Variants in CAD observed in about 807,000 individuals in gnomAD.
CAD encodes multifunctional protein CAD.
A neutral mutation model predicts 237.2 loss-of-function variants in CAD; 81 were observed. That is an observed-to-expected ratio of 0.34 (90% confidence interval 0.29 to 0.41). CAD has a LOEUF of 0.41. CAD is among the 10% of genes least tolerant of loss of function. The pLI is 1.00. For missense variants in CAD, 2,181 were observed against 2,951.7 expected (o/e 0.74, Z 6.05); for synonymous variants, 1,196 against 1,162.8 (o/e 1.03, Z -0.58).
chr2:27,220,966 TAAATA>T (rs1219381195), intron 2 of CAD, among the ~76,000 whole-genome samples: 1 of 151,738 alleles, frequency 6.6e-6, no homozygotes, highest in Non-Finnish European at 1.5e-5. Context: ...TCAAAAAAAA[TAAATA>T]ATAAATAAAT....
At chr2:27,222,757 G>A (rs1675238829) in intron 5 of CAD, 97 bp downstream of exon 5, 1 of 1,574,506 alleles carries the variant, frequency 6.4e-7, no homozygotes, top group African/African-American at 1.4e-5. Context: ...GAGTTGCAGT[G>A]AAGAAGATAG....
At position 27,229,117 on chromosome 2, in the gene CAD, A is replaced by G. The variant is rs145541419; in HGVS notation, c.2287+2155A>G. Among the ~76,000 whole-genome samples, 883 of 149,948 alleles carry G rather than the reference A, an allele frequency of 5.9e-3. 6 individuals carry two copies. Among genetic ancestry groups the G allele is most frequent in the African/African-American group, 0.02 (832 of 40,704 alleles). On this transcript the variant is annotated intron_variant, in intron 15 of 43. Transcript: ENST00000264705. ...TATTTTTAGTAGAGACGGGGGTTTC[A>G]TCATACTGCTTAGGATGGTCTCGAT...
In CAD at chr2:27,233,208, A is replaced by C; in HGVS notation, c.2991+68A>C. 6.6e-7 allele frequency: 1 copy of C among 1,513,852 alleles called. No individual in the cohort carries two copies. The highest frequency in any genetic ancestry group is 9.2e-7 in the Non-Finnish European group (1 of 1,089,894). The allele number at this position is 1,513,852 out of a possible 1,614,324, so 93.8% of individuals were successfully genotyped here. ...TCGAGTAGAACAGCTGGCTGACCTA[A>C]GATTCTTTGAAACTTGGTGGCGGCT... On this transcript the variant is annotated intron_variant, in intron 19 of 43. Coordinates refer to ENST00000264705, the MANE Select transcript of CAD (RefSeq NM_004341.5). This position sits in a 1 kb window ranked among gnomAD's most constrained non-coding sequence, Gnocchi z 6.3.
chr2:27,223,796 T>C, intron 7 of CAD, 48 bp downstream of exon 7: 7 of 1,600,108 alleles, frequency 4.4e-6, no homozygotes, highest in Non-Finnish European at 6.0e-6. Flanking sequence ...CCTGTGGGCC[T>C]TGATGATGGA....
chr2:27,225,377 G>A, intron 11 of CAD, 134 bp downstream of exon 11: 2 of 622,776 alleles, frequency 3.2e-6, no homozygotes, highest in South Asian at 2.0e-5. Context: ...CGTGATCTCG[G>A]CTCATCATAA....
Position 27,222,276 on chromosome 2 carries a change from T to G in CAD, c.435T>G (p.Pro145=), listed in dbSNP as rs138979522. Residue 145 remains proline (P), a synonymous_variant, in exon 4 of 44, where the codon CCT becomes CCG. Coordinates refer to ENST00000264705, the MANE Select transcript of CAD (RefSeq NM_004341.5). ...AGCTGGTCCAGAATGGAACAGAACC[T>G]TCATCCCTGCCATTCTTGGACCCCA... ...LGKLVQNGTE[P]SSLPFLDPNA... The G allele has an allele frequency of 2.2e-4, 358 of 1,613,976 alleles. No homozygotes were observed. Among genetic ancestry groups the G allele is most frequent in the Middle Eastern group, 1.2e-3 (7 of 6,062 alleles).
chr2:27,228,634 C>G (rs1675559718), intron 15 of CAD, among the ~76,000 whole-genome samples: 1 of 152,182 alleles, frequency 6.6e-6, no homozygotes, highest in Admixed American at 6.5e-5. Context: ...TCTTGTTGCC[C>G]AGGCTGGAGT....
chr2:27,238,034 C>T, intron 29 of CAD, 22 bp from the exon 30 acceptor site: 1 of 1,613,474 alleles, frequency 6.2e-7, no homozygotes, highest in Non-Finnish European at 8.5e-7. Flanking sequence ...CACACTCCTT[C>T]ATCAGTTCTT....
At position 27,226,837 on chromosome 2, in the gene CAD, C is replaced by G. The variant is rs1444291127; in HGVS notation, c.2162C>G (p.Ser721Cys). The G allele has an allele frequency of 6.2e-7, 1 of 1,614,184 alleles. No homozygotes were observed. The highest frequency in any genetic ancestry group is 1.7e-5 in the Admixed American group (1 of 60,024). The change falls in exon 15 of 44, where the codon TCT becomes TGT. Residue 721 changes from serine to cysteine, a missense_variant. By Grantham distance (112) the Ser-to-Cys change is moderately radical. Transcript: ENST00000264705. The stretch of plus-strand genomic sequence containing the variant: ...TCCCACCTGCTGGACCCCAGGAACT[C>G]TGTGACAGGGGGTACAGCAGCCTTT... ...LGIPLPELRN[S>C]VTGGTAAFEP...
At chr2:27,234,260 C>T in intron 22 of CAD, 34 bp downstream of exon 22, 1 of 1,567,442 alleles carries the variant, frequency 6.4e-7, no homozygotes. Flanking sequence ...TAAAGGGCCA[C>T]AGCTCTTGCA....
At chr2:27,221,780 T>TTC (rs1491358907) in intron 3 of CAD, among the ~76,000 whole-genome samples, 1 of 118,846 alleles carries the variant, frequency 8.4e-6, no homozygotes, top group Non-Finnish European at 1.7e-5. Context: ...TTTTTTTTTT[T>TTC]CTGTTCATTT....
In CAD at chr2:27,237,017, ATTTTTT is replaced by A. The variant is rs149723808; in HGVS notation, c.4396+204_4396+209del. Reference sequence around the variant, plus strand: ...TGTCCACAGTGGCCTTGTCTGAGGAATTTTTTTTTTTTTTTTTTTTTTGAGACAGAG... The same window carrying A: ...TGTCCACAGTGGCCTTGTCTGAGGAATTTTTTTTTTTTTTTTGAGACAGAG... On this transcript the variant is annotated intron_variant, in intron 27 of 43. Transcript: ENST00000264705. This position sits in a 1 kb window ranked among gnomAD's most constrained non-coding sequence, Gnocchi z 4.0. 7.9e-6 allele frequency among the ~76,000 whole-genome samples: 1 copy of A among 126,534 alleles called. No individual in the cohort carries two copies. Among genetic ancestry groups the A allele is most frequent in the South Asian group, 2.5e-4 (1 of 4,004 alleles). The allele number at this position is 126,534 out of a possible 152,430, so 83.0% of individuals were successfully genotyped here. A position where few individuals can be genotyped will look rare whatever the true frequency, so the allele number is the denominator to read the frequency against.
chr2:27,226,099 G>T, intron 12 of CAD, 32 bp from the exon 13 acceptor site: 1 of 1,603,122 alleles, frequency 6.2e-7, no homozygotes, highest in Non-Finnish European at 8.5e-7. Context: ...GACTCTGCTT[G>T]GCAGTGACCT....
At position 27,239,054 on chromosome 2, in the gene CAD, TGGA is replaced by T. The variant is rs754232171; in HGVS notation, c.5080_5082del (p.Glu1694del). On this transcript the variant is annotated inframe_deletion, in exon 32 of 44. Coordinates refer to ENST00000264705, the MANE Select transcript of CAD (RefSeq NM_004341.5). This position sits in a 1 kb window ranked among gnomAD's most constrained non-coding sequence, Gnocchi z 4.0. ...TTCTTTCTCCCAGCTCCCCATACCT[TGGA>T]GGAGAAGTGTGGGTCCAGGCCCCCA... The T allele has an allele frequency of 6.8e-5, 106 of 1,563,818 alleles. No homozygotes were observed. The highest frequency in any genetic ancestry group is 8.7e-5 in the Non-Finnish European group (101 of 1,158,434).
chr2:27,237,527 T>G lies in CAD; in HGVS notation c.4545T>G (p.Ala1515=), dbSNP rs1676072974. 5 of 1,613,560 alleles carry G rather than the reference T, an allele frequency of 3.1e-6. No individual in the cohort carries two copies. Among genetic ancestry groups the G allele is most frequent in the Non-Finnish European group, 3.4e-6 (4 of 1,179,874 alleles). ...GGCCCCCCATCATTGACGCCCCTGC[T>G]CTGGCCCTGGCCCAGAAGGTGAGCC... ...NTRPPIIDAP[A]LALAQKLAEA... Residue 1515 remains alanine (A), a synonymous_variant, in exon 28 of 44, where the codon GCT becomes GCG. Transcript: ENST00000264705. The surrounding 1 kb of genome is among the most constrained non-coding windows in gnomAD (Gnocchi z 4.0).
At chr2:27,225,601 T>G in intron 11 of CAD, 104 bp from the exon 12 acceptor site, 3 of 874,070 alleles carry the variant, frequency 3.4e-6, no homozygotes, top group Non-Finnish European at 3.6e-6. Flanking sequence ...CGTGAGCCAC[T>G]ATGCCCAGCC....
intron 31 of CAD, 68 bp from the exon 32 acceptor site, chr2:27,238,974 T>G: frequency 7.0e-7 from 1 of 1,424,302 alleles, no homozygotes; most frequent in Non-Finnish European, 9.5e-7. Flanking sequence ...AGTGCAGTCC[T>G]GGGGTGTGAG....
At position 27,235,049 on chromosome 2, in the gene CAD, A is replaced by T. The variant is rs1200716778; in HGVS notation, c.3787-196A>T. Among the ~76,000 whole-genome samples the T allele has an allele frequency of 6.6e-6, 1 of 152,148 alleles. No individual in the cohort carries two copies. Among genetic ancestry groups the T allele is most frequent in the East Asian group, 1.9e-4 (1 of 5,194 alleles). ...TTTTGAAGGATGGTTAAGGTTTTTT[A>T]TTTGCAAGGGCACATCCTAAGCAGA... is the stretch of plus-strand genomic sequence containing the variant. On this transcript the variant is annotated intron_variant, in intron 23 of 43. Coordinates refer to ENST00000264705, the MANE Select transcript of CAD (RefSeq NM_004341.5). The surrounding 1 kb of genome is among the most constrained non-coding windows in gnomAD (Gnocchi z 5.2).
In CAD at chr2:27,226,206, C is replaced by T. The variant is rs762407492; in HGVS notation, c.1918C>T (p.Leu640=). The part of the protein sequence containing the change: ...ESIVVAPSQT[L]NDREYQLLRQ... ...CATAGTGGTGGCCCCTAGCCAGACA[C>T]TGAATGACAGGGAGTATCAGCTCCT... Residue 640 remains leucine (L), a synonymous_variant, in exon 13 of 44, where the codon CTG becomes TTG. Coordinates refer to ENST00000264705, the MANE Select transcript of CAD (RefSeq NM_004341.5). 2.5e-6 allele frequency: 4 copies of T among 1,614,136 alleles called. No homozygotes were observed. The Admixed American group carries it at 6.7e-5, about 27-fold the overall frequency.
Sources: allele counts gnomAD v4.1 joint callset (sites outside exome capture counted in the v4.1 genomes callset), GRCh38; gene constraint gnomAD v4.1.1; non-coding constraint Gnocchi (gnomAD v3.1); transcripts MANE v1.5; gene names NCBI Gene and HGNC (gene_info 2026-07-23, HGNC 2026-07-21).